MANBAL: variants seen among roughly 807,000 people sequenced by gnomAD.
MANBAL encodes the protein mannosidase beta like.
A neutral mutation model predicts 6.4 loss-of-function variants in MANBAL; 1 was observed. The ratio of observed to expected loss-of-function variants is 0.16; its 90% CI spans 0.06 to 0.74. MANBAL has a LOEUF of 0.74. Ranked by LOEUF, MANBAL falls within the 30% of genes least tolerant of loss-of-function variation. The pLI, the probability that MANBAL is intolerant of heterozygous loss-of-function variation, is 0.78. For synonymous variants in MANBAL, 47 were observed against 45.8 expected (o/e 1.03, Z -0.10); for missense variants, 100 against 107.8 (o/e 0.93, Z 0.32).
chr20:37,315,498 A>G (rs2069490510), intron 2 of MANBAL, among the ~76,000 whole-genome samples: 1 of 152,204 alleles, frequency 6.6e-6, no homozygotes, highest in South Asian at 2.1e-4. Context: ...CTTCCTTATC[A>G]GCACAATGAA....
chr20:37,305,086 A>G (rs2069227005), intron 2 of MANBAL, among the ~76,000 whole-genome samples: 1 of 152,162 alleles, frequency 6.6e-6, no homozygotes, highest in African/African-American at 2.4e-5. Context: ...TGTCTTGTCC[A>G]TCTCTTATTC....
At chr20:37,291,017 G>A (rs2068854487) in intron 1 of MANBAL, among the ~76,000 whole-genome samples, 1 of 152,190 alleles carries the variant, frequency 6.6e-6, no homozygotes, top group Non-Finnish European at 1.5e-5. Flanking sequence ...TGGCCTACCA[G>A]CACAGTACAC....
At chr20:37,296,524 G>T (rs2146791999) in intron 1 of MANBAL, among the ~76,000 whole-genome samples, 1 of 152,092 alleles carries the variant, frequency 6.6e-6, no homozygotes, top group East Asian at 1.9e-4. Context: ...GTTTATATTT[G>T]CCGGGTTAGT....
chr20:37,291,490 G>C (rs2068868868), intron 1 of MANBAL, among the ~76,000 whole-genome samples: 1 of 152,134 alleles, frequency 6.6e-6, no homozygotes, highest in African/African-American at 2.4e-5. Flanking sequence ...TGAACTTGAG[G>C]GTTTTGAAGA....
At chr20:37,295,173 G>C (rs1252556019) in intron 1 of MANBAL, among the ~76,000 whole-genome samples, 3 of 152,118 alleles carry the variant, frequency 2.0e-5, no homozygotes, top group Admixed American at 1.3e-4. Flanking sequence ...GTTGGTTGAG[G>C]CATCTGCTCT....
intron 2 of MANBAL, among the ~76,000 whole-genome samples, chr20:37,312,367 A>G (rs2069409272): frequency 6.6e-6 from 1 of 152,088 alleles, no homozygotes; most frequent in South Asian, 2.1e-4. Flanking sequence ...TAGAGAGTAG[A>G]TTTCATAGTT....
rs112744430 is a variant in MANBAL at position 37,309,446 on chromosome 20, A to C, written c.151-6862A>C. ...GTGACTGAGAGTCCCCCAGACCCCC[A>C]TGGGATAGGGAAAGGGCAGGGTCCC... On this transcript the variant is annotated intron_variant, in intron 2 of 2. Transcript: ENST00000373606. Among the ~76,000 whole-genome samples, 7 of 152,150 alleles carry C rather than the reference A, an allele frequency of 4.6e-5. 1 individual carries two copies. Among genetic ancestry groups the C allele is most frequent in the African/African-American group, 1.7e-4 (7 of 41,526 alleles).
In MANBAL at chr20:37,301,314, C is replaced by T. The variant is rs1413004014; in HGVS notation, c.51C>T (p.Phe17=). 2 of 1,612,712 alleles carry T rather than the reference C, an allele frequency of 1.2e-6. No individual in the cohort carries two copies. The highest frequency in any genetic ancestry group is 1.7e-6 in the Non-Finnish European group (2 of 1,179,028). Residue 17 remains phenylalanine (F), a synonymous_variant, in exon 2 of 3, where the codon TTC becomes TTT. Transcript: ENST00000373606. ...CTCCGGAGGTGCCCGAGCCCACTTTCCTGGAGAACCTGCTACGGTACGGAC... is the reference window on the plus strand; with the variant it reads ...CTCCGGAGGTGCCCGAGCCCACTTTTCTGGAGAACCTGCTACGGTACGGAC... The part of the protein sequence containing the change: ...FSPPEVPEPT[F]LENLLRYGLF...
chr20:37,296,526 C>T (rs561763903), intron 1 of MANBAL, among the ~76,000 whole-genome samples: 33 of 152,160 alleles, frequency 2.2e-4, no homozygotes, highest in African/African-American at 7.2e-4. Flanking sequence ...TTATATTTGC[C>T]GGGTTAGTGA....
At chr20:37,314,851 C>A (rs2069468069) in intron 2 of MANBAL, among the ~76,000 whole-genome samples, 1 of 152,198 alleles carries the variant, frequency 6.6e-6, no homozygotes, top group South Asian at 2.1e-4. Context: ...CCTGCATGGG[C>A]CCTCCTCTTC....
At chr20:37,311,308 AG>A in intron 2 of MANBAL, among the ~76,000 whole-genome samples, 1 of 152,222 alleles carries the variant, frequency 6.6e-6, no homozygotes, top group Non-Finnish European at 1.5e-5. Context: ...TGACAAGAGT[AG>A]GCTGCACGAC....
intron 2 of MANBAL, among the ~76,000 whole-genome samples, chr20:37,315,798 T>C (rs1045348678): frequency 1.3e-5 from 2 of 152,202 alleles, no homozygotes; most frequent in Non-Finnish European, 2.9e-5. Context: ...AGGACAAGAA[T>C]GGCAGCCAGA....
intron 2 of MANBAL, among the ~76,000 whole-genome samples, chr20:37,314,121 G>A (rs1218546368): frequency 2.0e-5 from 3 of 152,226 alleles, no homozygotes; most frequent in African/African-American, 4.8e-5. Flanking sequence ...GGGCGGAACT[G>A]AAGGGGGAAT....
At chr20:37,306,854 A>G (rs546291927) in intron 2 of MANBAL, among the ~76,000 whole-genome samples, 36 of 152,334 alleles carry the variant, frequency 2.4e-4, no homozygotes, top group Non-Finnish European at 4.7e-4. Flanking sequence ...GGACTGGCCA[A>G]TGATTCTCCA....
intron 1 of MANBAL, among the ~76,000 whole-genome samples, chr20:37,293,558 A>G (rs1198857406): frequency 1.3e-5 from 2 of 152,042 alleles, no homozygotes; most frequent in Admixed American, 1.3e-4. Flanking sequence ...CTGGTTCCTA[A>G]CAGGCCATGG....
At chr20:37,313,531 C>A (rs749173746) in intron 2 of MANBAL, among the ~76,000 whole-genome samples, 3 of 151,926 alleles carry the variant, frequency 2.0e-5, no homozygotes, top group Non-Finnish European at 2.9e-5. Flanking sequence ...ATGATAAAAC[C>A]CCATCTCTAC....
chr20:37,290,458 G>A (rs961112033), intron 1 of MANBAL, among the ~76,000 whole-genome samples: 37 of 148,738 alleles, frequency 2.5e-4, no homozygotes, highest in Non-Finnish European at 4.6e-4. Context: ...TTTTTTTAAA[G>A]CCATTCTATT....
At chr20:37,310,068 G>A (rs1276477591) in intron 2 of MANBAL, among the ~76,000 whole-genome samples, 1 of 152,176 alleles carries the variant, frequency 6.6e-6, no homozygotes, top group Non-Finnish European at 1.5e-5. Flanking sequence ...CACACAAGGA[G>A]CCACAGAGCA....
chr20:37,308,881 T>G (rs2146822356), intron 2 of MANBAL, among the ~76,000 whole-genome samples: 1 of 152,324 alleles, frequency 6.6e-6, no homozygotes, highest in South Asian at 2.1e-4. Context: ...TCTCCTAGTT[T>G]CAGTGTTGAC....
Sources: allele counts gnomAD v4.1 joint callset (sites outside exome capture counted in the v4.1 genomes callset), GRCh38; gene constraint gnomAD v4.1.1; transcripts MANE v1.5; gene names NCBI Gene and HGNC (gene_info 2026-07-23, HGNC 2026-07-21).